Variants in CCDC68 observed in about 807,000 individuals in gnomAD.
The protein encoded by CCDC68 is coiled-coil domain-containing protein 68.
A neutral mutation model predicts 47.1 loss-of-function variants in CCDC68; 45 were observed. The observed-to-expected ratio is 0.96, with a 90% CI of 0.75 to 1.23. The LOEUF (loss-of-function observed/expected upper bound fraction) is 1.23. CCDC68 is among the 50% of genes most tolerant of loss of function. The pLI is 0.00. For missense variants in CCDC68, 353 were observed against 373.6 expected (o/e 0.94, Z 0.45); for synonymous variants, 131 against 129.5 (o/e 1.01, Z -0.08).
At chr18:54,912,267 G>A (rs1914411352) in intron 10 of CCDC68, among the ~76,000 whole-genome samples, 1 of 152,136 alleles carries the variant, frequency 6.6e-6, no homozygotes, top group East Asian at 1.9e-4. Context: ...TGTCAGAGCT[G>A]TAAATTAAGA....
intron 1 of CCDC68, among the ~76,000 whole-genome samples, chr18:54,956,386 T>C (rs776226432): frequency 6.6e-6 from 1 of 152,206 alleles, no homozygotes; most frequent in Non-Finnish European, 1.5e-5. Flanking sequence ...GCATTCATAT[T>C]TAAAATTATC....
At chr18:54,934,775 C>G in intron 7 of CCDC68, 45 bp downstream of exon 7, 1 of 1,347,472 alleles carries the variant, frequency 7.4e-7, no homozygotes, top group Non-Finnish European at 9.8e-7. Context: ...CATTCTCATC[C>G]TAATGCTGTC....
intron 4 of CCDC68, 145 bp downstream of exon 4, chr18:54,940,852 A>C: frequency 1.7e-6 from 1 of 595,766 alleles, no homozygotes; most frequent in Non-Finnish European, 3.0e-6. Context: ...TAAACATTTC[A>C]CACATATGGC....
At position 54,934,715 on chromosome 18, in the gene CCDC68, T is replaced by C. The variant is rs985729996; in HGVS notation, c.600+105A>G. On this transcript the variant is annotated intron_variant, in intron 7 of 11. Transcript: ENST00000591504. ...AATTGTAAAGAATACTTTCACATAATATTATCTTATTTAATTTAATATCCT... is the reference window on the plus strand; with the variant it reads ...AATTGTAAAGAATACTTTCACATAACATTATCTTATTTAATTTAATATCCT... 9.6e-6 allele frequency: 8 copies of C among 833,990 alleles called. No individual in the cohort carries two copies. In the African/African-American group the frequency reaches 1.4e-4, roughly 15 times the overall value. The allele number at this position is 833,990 out of a possible 1,614,324, so 51.7% of individuals were successfully genotyped here.
rs371009556 is a variant in CCDC68 at position 54,928,837 on chromosome 18, G to C, written c.646C>G (p.Leu216Val). 6.2e-6 allele frequency: 10 copies of C among 1,612,554 alleles called. No individual in the cohort carries two copies. The highest frequency in any genetic ancestry group is 8.5e-6 in the Non-Finnish European group (10 of 1,178,706). ...GTAGCACTGGATTTGAGTTGCAGTAGCTTGTTTTCCAAAGACAGTTTTCTT... is the reference window on the plus strand; with the variant it reads ...GTAGCACTGGATTTGAGTTGCAGTACCTTGTTTTCCAAAGACAGTTTTCTT... ...LERKLSLENK[L>V]LQLKSSATYG... The change falls in exon 8 of 12, where the codon CTA becomes GTA. Residue 216 changes from leucine (L) to valine (V), a missense_variant. Physicochemically the swap from Leu to Val is conservative, Grantham distance 32 (BLOSUM62 1). Transcript: ENST00000591504.
chr18:54,918,668 G>A (rs538764556), intron 9 of CCDC68, among the ~76,000 whole-genome samples: 2 of 152,304 alleles, frequency 1.3e-5, no homozygotes, highest in South Asian at 4.1e-4. Flanking sequence ...TGTGAGGAAG[G>A]CTCTGGAGTA....
In CCDC68 at chr18:54,907,789, G is replaced by T. The variant is rs763041193; in HGVS notation, c.947C>A (p.Thr316Lys). 4.4e-6 allele frequency: 7 copies of T among 1,578,260 alleles called. No individual in the cohort carries two copies. In the South Asian group the frequency reaches 7.8e-5, roughly 17 times the overall value. ...TGGAAGAGGACAGAGACCTTACCTT[G>T]TAGAGACAGCCTTAGATACCTTTGT... The part of the protein sequence containing the change: ...PRTKVSKAVS[T>K]SELKTEGVSP... The change falls in exon 11 of 12, where the codon ACA (threonine) becomes AAA (lysine). Residue 316 changes from threonine (T) to lysine (K), a missense_variant. By Grantham distance (78) the Thr-to-Lys change is moderately conservative. Transcript: ENST00000591504.
chr18:54,933,482 G>A (rs1360589709), intron 7 of CCDC68, among the ~76,000 whole-genome samples: 1 of 152,180 alleles, frequency 6.6e-6, no homozygotes, highest in Non-Finnish European at 1.5e-5. Flanking sequence ...TAAATTTTAA[G>A]CTGGTTAATC....
At chr18:54,938,143 TACAAACTTTGACA>T in intron 4 of CCDC68, 46 bp from the exon 5 acceptor site, 1 of 1,564,268 alleles carries the variant, frequency 6.4e-7, no homozygotes, top group Non-Finnish European at 8.6e-7. Flanking sequence ...TCTTTTCCTC[TACAAACTTTGACA>T]ACAATAATGA....
intron 10 of CCDC68, among the ~76,000 whole-genome samples, chr18:54,910,394 G>C (rs1220504755): frequency 6.6e-6 from 1 of 152,224 alleles, no homozygotes; most frequent in African/African-American, 2.4e-5. Flanking sequence ...GGTCATCCCA[G>C]TGTCTGCCCA....
intron 8 of CCDC68, among the ~76,000 whole-genome samples, chr18:54,921,543 G>T (rs777702688): frequency 6.6e-6 from 1 of 152,188 alleles, no homozygotes; most frequent in African/African-American, 2.4e-5. Context: ...GGAACAGGAC[G>T]CCTACAACAT....
rs375025062 is a variant in CCDC68 at position 54,928,931 on chromosome 18, G to T, written c.601-49C>A. Reference sequence around the variant, plus strand: ...TTTGCTAAACTGCATGTGTATGTTTGGTAAGGCCTTCCTCTTGTCATACTA... The same window carrying T: ...TTTGCTAAACTGCATGTGTATGTTTTGTAAGGCCTTCCTCTTGTCATACTA... On this transcript the variant is annotated intron_variant, in intron 7 of 11. Transcript: ENST00000591504. 3.4e-5 allele frequency: 34 copies of T among 988,286 alleles called. No homozygotes were observed. In the African/African-American group the frequency reaches 3.5e-4, roughly 10 times the overall value. 61.2% of individuals were successfully genotyped at this position (988,286 alleles called of 1,614,324 possible).
chr18:54,925,203 T>C (rs1456919305), intron 8 of CCDC68, among the ~76,000 whole-genome samples: 2 of 152,222 alleles, frequency 1.3e-5, no homozygotes, highest in South Asian at 2.1e-4. Context: ...AGCAAGTCTG[T>C]AGCATCCATG....
intron 3 of CCDC68, among the ~76,000 whole-genome samples, chr18:54,942,188 C>A (rs2044449640): frequency 6.6e-6 from 1 of 152,180 alleles, no homozygotes; most frequent in African/African-American, 2.4e-5. Context: ...ATTTTGGATT[C>A]TCATAAGACT....
chr18:54,938,680 C>T (rs9950170), intron 4 of CCDC68, among the ~76,000 whole-genome samples: 150,063 of 152,356 alleles, frequency 0.98, 73,949 homozygotes, highest in East Asian at 1. Flanking sequence ...TTGGAAACCA[C>T]CTAACTTAAA....
intron 3 of CCDC68, among the ~76,000 whole-genome samples, chr18:54,942,137 T>C (rs560775648): frequency 6.6e-6 from 1 of 152,354 alleles, no homozygotes; most frequent in Admixed American, 6.5e-5. Flanking sequence ...ATGTCTGTTG[T>C]AAGAAACAGT....
rs368553146 is a variant in CCDC68, at chr18:54,930,285, A to G, written c.601-1403T>C. Among the ~76,000 whole-genome samples the G allele has an allele frequency of 2.0e-5, 3 of 152,094 alleles. No individual in the cohort carries two copies. In the South Asian group the frequency reaches 6.2e-4, roughly 32 times the overall value. ...ACAACATTTGACTTGTATTCATTCT[A>G]TATTCATTTGACTTATATTTGTATC... On this transcript the variant is annotated intron_variant, in intron 7 of 11. Coordinates refer to ENST00000591504, the MANE Select transcript of CCDC68 (RefSeq NM_025214.3).
At chr18:54,907,558 AAAG>A (rs148843327) in intron 11 of CCDC68, among the ~76,000 whole-genome samples, 2,899 of 152,300 alleles carry the variant, frequency 0.019, 87 homozygotes, top group African/African-American at 0.067. Flanking sequence ...AAGAAGAAAA[AAAG>A]AGATATCTAA....
In CCDC68 at chr18:54,903,281, G is replaced by T. The variant is rs189286882; in HGVS notation, c.*1077C>A. ...AAATTCATCCTTTAGGGGGACCAAG[G>T]TCTCTCATTATACATTTAATTGAAG... On this transcript the variant is annotated 3_prime_UTR_variant, in exon 12 of 12. Coordinates refer to ENST00000591504, the MANE Select transcript of CCDC68 (RefSeq NM_025214.3). 4.0e-4 allele frequency: 61 copies of T among 152,246 alleles called. No homozygotes were observed. Among genetic ancestry groups the T allele is most frequent in the Non-Finnish European group, 7.6e-4 (52 of 68,014 alleles). The allele number at this position is 152,246 out of a possible 1,614,324, so 9.4% of individuals were successfully genotyped here. A position where few individuals can be genotyped will look rare whatever the true frequency, so the allele number is the denominator to read the frequency against.
Sources: gnomAD v4.1 joint callset for allele counts (sites outside exome capture counted in the v4.1 genomes callset) on GRCh38, gnomAD v4.1.1 for gene constraint, MANE v1.5 for transcripts, NCBI Gene and HGNC (gene_info 2026-07-23, HGNC 2026-07-21) for gene names.